Variants in GALNTL6 observed in about 807,000 individuals in gnomAD.
GALNTL6 encodes the protein polypeptide N-acetylgalactosaminyltransferase-like 6.
A neutral mutation model predicts 73.7 loss-of-function variants in GALNTL6; 46 were observed. The ratio of observed to expected loss-of-function variants is 0.62; its 90% CI spans 0.49 to 0.80. GALNTL6 has a LOEUF of 0.80. Ranked by LOEUF, GALNTL6 falls within the 30% of genes least tolerant of loss-of-function variation. The probability of loss-of-function intolerance (pLI) is 0.00; values close to 1 mark genes in which losing one functional copy is unlikely to be tolerated. For missense variants in GALNTL6, 604 were observed against 755.0 expected (o/e 0.80, Z 2.34); for synonymous variants, 259 against 263.7 (o/e 0.98, Z 0.17).
chr4:172,959,623 G>A (rs1211715268), intron 10 of GALNTL6, among the ~76,000 whole-genome samples: 3 of 152,030 alleles, frequency 2.0e-5, no homozygotes, highest in African/African-American at 7.2e-5. Flanking sequence ...CAATCAGGCA[G>A]CGTCAGTCTT....
At chr4:172,277,468 AT>A (rs1304772175) in intron 3 of GALNTL6, among the ~76,000 whole-genome samples, 1 of 152,188 alleles carries the variant, frequency 6.6e-6, no homozygotes, top group African/African-American at 2.4e-5. Flanking sequence ...TAGAGAAAAA[AT>A]AATAACCAAT....
At chr4:172,622,613 T>A (rs1739007506) in intron 5 of GALNTL6, among the ~76,000 whole-genome samples, 1 of 152,122 alleles carries the variant, frequency 6.6e-6, no homozygotes, top group African/African-American at 2.4e-5. Context: ...AGAAATCTGC[T>A]AGATAATATG....
rs544016934 is a variant in GALNTL6, at chr4:172,036,802, A to G, written c.139-192854A>G. On this transcript the variant is annotated intron_variant, in intron 2 of 12. Transcript: ENST00000506823. Reference sequence around the variant, plus strand: ...CTAGGGTTGTTTCCATTTATTTATTACACAAAGGTTATTCTTATTGACTGG... The same window carrying G: ...CTAGGGTTGTTTCCATTTATTTATTGCACAAAGGTTATTCTTATTGACTGG... Among the ~76,000 whole-genome samples, 35 of 152,240 alleles carry G rather than the reference A, an allele frequency of 2.3e-4. No homozygotes were observed. In the South Asian group the frequency reaches 6.0e-3, roughly 26 times the overall value.
intron 2 of GALNTL6, among the ~76,000 whole-genome samples, chr4:171,878,979 C>T (rs938157766): frequency 2.0e-5 from 3 of 152,092 alleles, no homozygotes; most frequent in African/African-American, 7.2e-5. Flanking sequence ...TTCCTGAGGC[C>T]TCCCCAGAAG....
chr4:172,026,809 C>T (rs1741601342), intron 2 of GALNTL6, among the ~76,000 whole-genome samples: 1 of 152,068 alleles, frequency 6.6e-6, no homozygotes, highest in African/African-American at 2.4e-5. Context: ...GTTACTGTTA[C>T]CTATATAAAA....
intron 2 of GALNTL6, among the ~76,000 whole-genome samples, chr4:172,081,759 A>G (rs1579119328): frequency 6.6e-6 from 1 of 152,236 alleles, no homozygotes; most frequent in South Asian, 2.1e-4. Context: ...TGCATATACA[A>G]CAGCCATACT....
chr4:172,952,047 G>C lies in GALNTL6; in HGVS notation c.1160G>C (p.Arg387Pro), dbSNP rs747738443. The C allele has an allele frequency of 3.1e-6, 5 of 1,613,506 alleles. No homozygotes were observed. ...SGTSLARNLK[R>P]VAETWMDEFA... ...TTTCCTGCTGCACAGAACCTGAAGC[G>C]GGTAGCTGAGACCTGGATGGATGAA... Residue 387 changes from arginine to proline, a missense_variant, in exon 10 of 13, where the codon CGG (arginine) becomes CCG (proline). Physicochemically the swap from Arg to Pro is moderately radical, Grantham distance 103. Around this residue, in one of 5 missense-constraint regions of GALNTL6, gnomAD observed 261 missense variants for 296.5 expected, o/e 0.88. Transcript: ENST00000506823.
intron 2 of GALNTL6, among the ~76,000 whole-genome samples, chr4:172,214,384 G>T: frequency 6.6e-6 from 1 of 151,140 alleles, no homozygotes; most frequent in African/African-American, 2.4e-5. Context: ...TTTTTTTCTT[G>T]GATAGGCTCA....
At chr4:172,657,452 A>C (rs959418097) in intron 5 of GALNTL6, among the ~76,000 whole-genome samples, 1 of 152,194 alleles carries the variant, frequency 6.6e-6, no homozygotes, top group Non-Finnish European at 1.5e-5. Flanking sequence ...TTTACCAATC[A>C]GTCTTTGTGA....
At chr4:172,229,070 G>A (rs1443769577) in intron 2 of GALNTL6, among the ~76,000 whole-genome samples, 1 of 152,148 alleles carries the variant, frequency 6.6e-6, no homozygotes, top group Non-Finnish European at 1.5e-5. Context: ...CTCTGCCACT[G>A]TGGTTTACCT....
At position 172,568,595 on chromosome 4, in the gene GALNTL6, A is replaced by C. The variant is rs550295447; in HGVS notation, c.553+219906A>C. The stretch of plus-strand genomic sequence containing the variant: ...CACGGTGAAACCCCGTCTCTACTAA[A>C]AATACAAAAAAAATTAGCCGGGCGT... On this transcript the variant is annotated intron_variant, in intron 5 of 12. Coordinates refer to ENST00000506823, the MANE Select transcript of GALNTL6 (RefSeq NM_001034845.3). Among the ~76,000 whole-genome samples, 23 of 151,526 alleles carry C rather than the reference A, an allele frequency of 1.5e-4. No homozygotes were observed. In the East Asian group the frequency reaches 4.5e-3, roughly 30 times the overall value.
intron 10 of GALNTL6, among the ~76,000 whole-genome samples, chr4:172,958,678 A>T (rs1020399331): frequency 6.6e-6 from 1 of 152,156 alleles, no homozygotes; most frequent in Non-Finnish European, 1.5e-5. Context: ...CGAGATAGGT[A>T]ACAGATGAGG....
At chr4:172,298,193 A>G (rs1739759698) in intron 3 of GALNTL6, among the ~76,000 whole-genome samples, 1 of 152,170 alleles carries the variant, frequency 6.6e-6, no homozygotes, top group African/African-American at 2.4e-5. Flanking sequence ...TGATTTTTGC[A>G]CATTGATTTT....
chr4:172,637,600 G>T lies in GALNTL6; in HGVS notation c.554-171761G>T, dbSNP rs544991201. On this transcript the variant is annotated intron_variant, in intron 5 of 12. Transcript: ENST00000506823. ...ATTTTCCCAAGTATTCAATAAGACT[G>T]CCTGTCAAATTACAAACAACACAAT... 2.6e-5 allele frequency among the ~76,000 whole-genome samples: 4 copies of T among 152,238 alleles called. No individual in the cohort carries two copies. The South Asian group carries it at 8.3e-4, about 32-fold the overall frequency.
intron 2 of GALNTL6, among the ~76,000 whole-genome samples, chr4:171,863,803 G>A (rs1278654511): frequency 1.3e-5 from 2 of 151,650 alleles, no homozygotes; most frequent in African/African-American, 4.8e-5. Flanking sequence ...TGTCGCCCAA[G>A]CTGCAGTGAA....
In GALNTL6 at chr4:173,014,946, G is replaced by C. The variant is rs187071127; in HGVS notation, c.1488+5652G>C. Among the ~76,000 whole-genome samples the C allele has an allele frequency of 2.0e-5, 3 of 152,294 alleles. No homozygotes were observed. The East Asian group carries it at 5.8e-4, about 29-fold the overall frequency. ...CGCATAATCCCCATGTGTCATGGGA[G>C]GGACCCAGTGGGAGGTAATTTAATC... On this transcript the variant is annotated intron_variant, in intron 11 of 12. Coordinates refer to ENST00000506823, the MANE Select transcript of GALNTL6 (RefSeq NM_001034845.3).
chr4:172,017,268 C>T (rs1366814051), intron 2 of GALNTL6, among the ~76,000 whole-genome samples: 3 of 152,122 alleles, frequency 2.0e-5, no homozygotes, highest in Non-Finnish European at 4.4e-5. Context: ...CACCTTACAG[C>T]CTCACTCTTG....
intron 8 of GALNTL6, among the ~76,000 whole-genome samples, chr4:172,892,669 T>G (rs1746100663): frequency 1.3e-5 from 2 of 151,782 alleles, no homozygotes; most frequent in Non-Finnish European, 2.9e-5. Flanking sequence ...TGTTACTGAC[T>G]GCTGCATATG....
intron 7 of GALNTL6, among the ~76,000 whole-genome samples, chr4:172,879,687 A>G (rs1339005494): frequency 6.6e-6 from 1 of 151,982 alleles, no homozygotes; most frequent in African/African-American, 2.4e-5. Flanking sequence ...CAAATCAGTT[A>G]TCTCAGTTTC....
Sources: gnomAD v4.1 joint callset for allele counts (sites outside exome capture counted in the v4.1 genomes callset) on GRCh38, gnomAD v4.1.1 for gene constraint, gnomAD v4.1.1 regional missense constraint, MANE v1.5 for transcripts, NCBI Gene and HGNC (gene_info 2026-07-23, HGNC 2026-07-21) for gene names.